DENND4A: variants seen among roughly 807,000 people sequenced by gnomAD.
DENND4A encodes the protein DENN domain containing 4A.
A neutral mutation model predicts 199.3 loss-of-function variants in DENND4A; 70 were observed. The observed-to-expected ratio is 0.35, with a 90% CI of 0.29 to 0.43. The LOEUF is 0.43. DENND4A is among the 20% of genes least tolerant of loss of function. DENND4A has a pLI of 1.00. For missense variants in DENND4A, 1,723 were observed against 2,255.8 expected (o/e 0.76, Z 4.78); for synonymous variants, 686 against 766.9 (o/e 0.89, Z 1.74).
intron 1 of DENND4A, among the ~76,000 whole-genome samples, chr15:65,780,955 C>T (rs2572209): frequency 0.2 from 30,147 of 152,108 alleles, 4,022 homozygotes; most frequent in East Asian, 0.73. Flanking sequence ...GGTGCTTGAG[C>T]TATAACATAG....
At chr15:65,721,822 G>T (rs2075655424) in intron 12 of DENND4A, among the ~76,000 whole-genome samples, 1 of 151,360 alleles carries the variant, frequency 6.6e-6, no homozygotes, top group Non-Finnish European at 1.5e-5. Context: ...TAAGTATTAA[G>T]TTATGGATTC....
At chr15:65,751,667 T>C (rs1162440187) in intron 4 of DENND4A, among the ~76,000 whole-genome samples, 1 of 151,834 alleles carries the variant, frequency 6.6e-6, no homozygotes, top group African/African-American at 2.4e-5. Flanking sequence ...AGCAAGAGAG[T>C]ACCTAAGAAG....
Position 65,710,126 on chromosome 15 carries a change from T to G in DENND4A, c.1954-3902A>C, listed in dbSNP as rs552412920. On this transcript the variant is annotated intron_variant, in intron 14 of 32. Transcript: ENST00000443035. ...TGTATTAACCATGAGTACTAAGATA[T>G]GCTCCTTAGGACGTAATACCCTAGT... Among the ~76,000 whole-genome samples the G allele has an allele frequency of 1.8e-4, 28 of 152,310 alleles. No homozygotes were observed. In the East Asian group the frequency reaches 3.1e-3, roughly 17 times the overall value.
intron 17 of DENND4A, 141 bp from the exon 18 acceptor site, chr15:65,702,031 G>C (rs2142195106): frequency 8.3e-7 from 1 of 1,200,724 alleles, no homozygotes; most frequent in Non-Finnish European, 1.2e-6. Flanking sequence ...GGGAGGGCAA[G>C]GCAGGTGAAG....
rs1429454355 is a variant in DENND4A, at chr15:65,752,527, T to C, written c.413A>G (p.Gln138Arg). The change falls in exon 4 of 33, where the codon CAA (glutamine) becomes CGA (arginine). Residue 138 changes from glutamine (Q) to arginine (R), a missense_variant. Physicochemically the swap from Gln to Arg is conservative, Grantham distance 43 (BLOSUM62 1). Transcript: ENST00000443035. ...TCTTCGGTAAGTGATATAAATTCTTTGTGATGAGGTACTCCCACTAATATT... is the reference window on the plus strand; with the variant it reads ...TCTTCGGTAAGTGATATAAATTCTTCGTGATGAGGTACTCCCACTAATATT... Reference protein sequence around the residue: ...PANISGSTSSQRIYITYRRAS... With the variant: ...PANISGSTSSRRIYITYRRAS... The C allele has an allele frequency of 2.5e-6, 4 of 1,613,592 alleles. No homozygotes were observed. In the African/African-American group the frequency reaches 4.0e-5, roughly 16 times the overall value.
intron 14 of DENND4A, 116 bp from the exon 15 acceptor site, chr15:65,706,340 AAAG>A (rs2075048659): frequency 1.9e-6 from 2 of 1,076,796 alleles, no homozygotes; most frequent in Non-Finnish European, 2.5e-6. Flanking sequence ...AGCTATTAAA[AAAG>A]AAGAGTGAGC....
intron 4 of DENND4A, among the ~76,000 whole-genome samples, chr15:65,747,906 G>A (rs1025629429): frequency 6.6e-6 from 1 of 151,516 alleles, no homozygotes; most frequent in Non-Finnish European, 1.5e-5. Flanking sequence ...CAGGCGTGGT[G>A]GCGCGCGCCT....
At chr15:65,686,121 T>G (rs1016533415) in intron 23 of DENND4A, among the ~76,000 whole-genome samples, 2 of 152,212 alleles carry the variant, frequency 1.3e-5, no homozygotes, top group Non-Finnish European at 2.9e-5. Context: ...TAGGGAGGGT[T>G]GCAGCTTAAC....
chr15:65,749,563 T>C (rs2076504879), intron 4 of DENND4A, among the ~76,000 whole-genome samples: 1 of 152,088 alleles, frequency 6.6e-6, no homozygotes, highest in Admixed American at 6.6e-5. Context: ...AAATAAATTG[T>C]GGCACATCCA....
chr15:65,757,904 C>A (rs917260885), intron 2 of DENND4A, among the ~76,000 whole-genome samples: 18 of 152,112 alleles, frequency 1.2e-4, no homozygotes, highest in African/African-American at 4.3e-4. Context: ...TCGCTTGAAC[C>A]CAGGAGGAAG....
intron 1 of DENND4A, among the ~76,000 whole-genome samples, 174 bp downstream of exon 1, chr15:65,791,836 G>T (rs1047053087): frequency 7.2e-5 from 11 of 152,316 alleles, no homozygotes; most frequent in South Asian, 4.1e-4. Flanking sequence ...ATCCCGGGGC[G>T]GACCGAGCCG....
Position 65,660,530 on chromosome 15 carries a change from A to G in DENND4A, c.*1321T>C, listed in dbSNP as rs2075818828. The G allele has an allele frequency of 7.4e-6, 3 of 406,264 alleles. No individual in the cohort carries two copies. Among genetic ancestry groups the G allele is most frequent in the East Asian group, 7.1e-5 (2 of 28,244 alleles). 25.2% of individuals were successfully genotyped at this position (406,264 alleles called of 1,614,324 possible). A position where few individuals can be genotyped will look rare whatever the true frequency, so the allele number is the denominator to read the frequency against. ...CACACACACATATTGAAAATCTATA[A>G]CTAATTCTAGCAGCCAAAAGATGTT... On this transcript the variant is annotated 3_prime_UTR_variant, in exon 33 of 33. Transcript: ENST00000443035.
Position 65,690,955 on chromosome 15 carries a change from G to A in DENND4A, c.3639C>T (p.Pro1213=), listed in dbSNP as rs751020836. 5 of 1,602,562 alleles carry A rather than the reference G, an allele frequency of 3.1e-6. No individual in the cohort carries two copies. In the East Asian group the frequency reaches 6.7e-5, roughly 21 times the overall value. The change falls in exon 23 of 33, where the codon CCC becomes CCT. Residue 1213 remains proline (P), a synonymous_variant. Transcript: ENST00000443035. ...EKTDVATGFD[P]LSLLVAETEQ... ...CAGTCTCAGCAACCAAAAGAGAGAG[G>A]GGATCAAATCCTGTTGCGACATCAG...
In DENND4A at chr15:65,780,257, T is replaced by C. The variant is rs142768208; in HGVS notation, c.-102+11753A>G. 6.0e-3 allele frequency among the ~76,000 whole-genome samples: 907 copies of C among 152,148 alleles called. 6 individuals are homozygous for C. The highest frequency in any genetic ancestry group is 0.019 in the African/African-American group (776 of 41,488). ...TAACATGCTTTCATTTATGCCCGAATAAAAAAATATAGTCTTAGTACAGCT... is the reference window on the plus strand; with the variant it reads ...TAACATGCTTTCATTTATGCCCGAACAAAAAAATATAGTCTTAGTACAGCT... On this transcript the variant is annotated intron_variant, in intron 1 of 32. Coordinates refer to ENST00000443035, the MANE Select transcript of DENND4A (RefSeq NM_001320835.1).
intron 1 of DENND4A, among the ~76,000 whole-genome samples, chr15:65,762,463 A>G (rs1381739399): frequency 1.5e-4 from 23 of 152,048 alleles, no homozygotes; most frequent in Non-Finnish European, 3.4e-4. Context: ...CATCTCTAAA[A>G]AAAAAAGAAG....
chr15:65,664,890 T>G, intron 30 of DENND4A, 168 bp from the exon 31 acceptor site: 1 of 593,002 alleles, frequency 1.7e-6, no homozygotes, highest in Non-Finnish European at 2.8e-6. Context: ...ATAAGACAAA[T>G]AATGACAAAA....
At chr15:65,663,204 T>A (rs1335717513) in intron 32 of DENND4A, among the ~76,000 whole-genome samples, 15 of 143,972 alleles carry the variant, frequency 1.0e-4, no homozygotes, top group Admixed American at 3.4e-4. Flanking sequence ...ATATATTTTT[T>A]TTTTTTTATT....
Position 65,659,321 on chromosome 15 carries a change from G to GTTTTTTTTTTTTTT in DENND4A, c.*2529_*2530insAAAAAAAAAAAAAA. Reference sequence around the variant, plus strand: ...TTATTTTAAATGATTGATATTTTCTGGTTTTTTTTTTTTTTTTTTTTTTTT... The same window carrying GTTTTTTTTTTTTTT: ...TTATTTTAAATGATTGATATTTTCTGTTTTTTTTTTTTTTGTTTTTTTTTTTTTTTTTTTTTTTT... On this transcript the variant is annotated 3_prime_UTR_variant, in exon 33 of 33. Transcript: ENST00000443035. The GTTTTTTTTTTTTTT allele has an allele frequency of 6.4e-4, 43 of 66,670 alleles. 14 individuals carry two copies. The highest frequency in any genetic ancestry group is 7.6e-4 in the African/African-American group (15 of 19,694). The allele number at this position is 66,670 out of a possible 1,614,324, so 4.1% of individuals were successfully genotyped here.
chr15:65,754,325 A>C (rs887367184), intron 3 of DENND4A, among the ~76,000 whole-genome samples: 3 of 152,144 alleles, frequency 2.0e-5, no homozygotes, highest in Admixed American at 6.5e-5. Flanking sequence ...TTCTTAACTT[A>C]AAAAAGGCAC....
Sources: gnomAD v4.1 joint callset for allele counts (sites outside exome capture counted in the v4.1 genomes callset) on GRCh38, gnomAD v4.1.1 for gene constraint, MANE v1.5 for transcripts, NCBI Gene and HGNC (gene_info 2026-07-23, HGNC 2026-07-21) for gene names.